Variants in CXCL12 observed in about 807,000 individuals in gnomAD.
The protein encoded by CXCL12 is stromal cell-derived factor 1.
A neutral mutation model predicts 10.7 loss-of-function variants in CXCL12; 4 were observed. The observed-to-expected ratio is 0.37, with a 90% CI of 0.18 to 0.86. The LOEUF (loss-of-function observed/expected upper bound fraction) is 0.86. Among genes scored for constraint, CXCL12 ranks in the 40% least tolerant of loss-of-function variants. CXCL12 has a pLI of 0.43. For missense variants in CXCL12, 122 were observed against 110.4 expected (o/e 1.10, Z -0.47); for synonymous variants, 54 against 45.4 (o/e 1.19, Z -0.77).
intron 1 of CXCL12, among the ~76,000 whole-genome samples, chr10:44,381,431 A>C (rs548616325): frequency 6.6e-6 from 1 of 152,318 alleles, no homozygotes; most frequent in South Asian, 2.1e-4. Context: ...AAGCTCTGGA[A>C]GGCACAAAAG....
At chr10:44,374,563 G>A (rs1438318955), downstream of CXCL12, 1 of 456,056 alleles carries the variant, frequency 2.2e-6, no homozygotes, top group East Asian at 7.0e-5. Context: ...AAAAGAGATA[G>A]CAGCGGGAAA....
At chr10:44,378,745 A>C in intron 2 of CXCL12, 22 bp from the exon 3 acceptor site, 1 of 1,613,312 alleles carries the variant, frequency 6.2e-7, no homozygotes, top group African/African-American at 1.3e-5. Context: ...GAATGGCAAC[A>C]GTGTGCGGCT....
intron 2 of CXCL12, among the ~76,000 whole-genome samples, chr10:44,379,507 G>A (rs541310930): frequency 6.6e-6 from 1 of 152,250 alleles, no homozygotes; most frequent in African/African-American, 2.4e-5. Flanking sequence ...AGGGTCTTGA[G>A]GACAGCTAAG....
downstream of CXCL12, chr10:44,372,844 C>T: frequency 2.6e-6 from 4 of 1,513,446 alleles, no homozygotes; most frequent in Non-Finnish European, 3.5e-6. Context: ...GGTGAGCCTC[C>T]CATGTGGCCC....
At chr10:44,373,126 G>T, downstream of CXCL12, 1 of 1,533,952 alleles carries the variant, frequency 6.5e-7, no homozygotes, top group South Asian at 1.2e-5. Context: ...CAGTGACACT[G>T]AATAATCAAA....
chr10:44,376,944 A>T, downstream of CXCL12: 1 of 189,936 alleles, frequency 5.3e-6, no homozygotes, highest in Non-Finnish European at 9.7e-6. Context: ...CAAAAACTTG[A>T]GCTGCAGATC....
At chr10:44,384,862 G>T in intron 1 of CXCL12, 83 bp downstream of exon 1, 3 of 1,375,616 alleles carry the variant, frequency 2.2e-6, no homozygotes, top group Non-Finnish European at 2.9e-6. Flanking sequence ...AACTGCGGGC[G>T]CAGGCAGAGG....
rs76444314 is a variant in CXCL12, at chr10:44,385,008, CGCGGGCGGGCGGGCGG to C, written c.-19_-4del. ...ACGACCACGACCTTGGCGTTCATGG[CGCGGGCGGGCGGGCGG>C]GCGGGCGGACGAGCGCGGGTCGGGG... On this transcript the variant is annotated 5_prime_UTR_variant, in exon 1 of 3. Transcript: ENST00000343575. The C allele has an allele frequency of 8.5e-5, 35 of 412,336 alleles. No homozygotes were observed. The highest frequency in any genetic ancestry group is 2.0e-4 in the South Asian group (9 of 44,510). 25.5% of individuals were successfully genotyped at this position (412,336 alleles called of 1,614,324 possible).
rs373678961 is a variant in CXCL12 at position 44,378,707 on chromosome 10, T to C, written c.196A>G (p.Asn66Asp). 6.2e-7 allele frequency: 1 copy of C among 1,614,238 alleles called. No homozygotes were observed. The highest frequency in any genetic ancestry group is 1.3e-5 in the African/African-American group (1 of 75,058). ...ALQIVARLKN[N>D]NRQVCIDPKL... ...GGGTCAATGCACACTTGTCTGTTGTTGTTCTTCAGCCGGGCTCTGTGAAAA... is the reference window on the plus strand; with the variant it reads ...GGGTCAATGCACACTTGTCTGTTGTCGTTCTTCAGCCGGGCTCTGTGAAAA... The change falls in exon 3 of 3, where the codon AAC (asparagine) becomes GAC (aspartate). Residue 66 changes from asparagine to aspartate, a missense_variant. Coordinates refer to ENST00000343575, the MANE Select transcript of CXCL12 (RefSeq NM_199168.4).
Position 44,377,853 on chromosome 10 carries a change from G to A in CXCL12, c.*780C>T. The A allele has an allele frequency of 6.3e-7, 1 of 1,589,330 alleles. No individual in the cohort carries two copies. Among genetic ancestry groups the A allele is most frequent in the Middle Eastern group, 1.7e-4 (1 of 5,766 alleles). ...CAGGCCCTGGGAGGAGAGGGATGCA[G>A]GGCACGAGCCCCAGCAATCACCCTC... On this transcript the variant is annotated 3_prime_UTR_variant, in exon 3 of 3. Coordinates refer to ENST00000343575, the MANE Select transcript of CXCL12 (RefSeq NM_199168.4).
In CXCL12 at chr10:44,385,022, CGG is replaced by C; in HGVS notation, c.-19_-18del. ...GGCGTTCATGGCGCGGGCGGGCGGG[CGG>C]GCGGGCGGACGAGCGCGGGTCGGGG... On this transcript the variant is annotated 5_prime_UTR_variant, in exon 1 of 3. Coordinates refer to ENST00000343575, the MANE Select transcript of CXCL12 (RefSeq NM_199168.4). The C allele has an allele frequency of 1.1e-5, 1 of 93,538 alleles. No individual in the cohort carries two copies. The highest frequency in any genetic ancestry group is 1.8e-5 in the Non-Finnish European group (1 of 54,554). 5.8% of individuals were successfully genotyped at this position (93,538 alleles called of 1,614,324 possible).
chr10:44,376,114 C>A (rs1839442822), downstream of CXCL12: 13 of 1,477,934 alleles, frequency 8.8e-6, no homozygotes, highest in Non-Finnish European at 1.1e-5. Flanking sequence ...TAACACTGGC[C>A]CGTGTACTGG....
Position 44,377,425 on chromosome 10 carries a change from A to G in CXCL12, c.*1208T>C, listed in dbSNP as rs1180377077. On this transcript the variant is annotated 3_prime_UTR_variant, in exon 3 of 3. Coordinates refer to ENST00000343575, the MANE Select transcript of CXCL12 (RefSeq NM_199168.4). ...AAAAAATGTGCACAAAAATATATAT[A>G]AAAAAATGCCTTGCAAAAAGTTACA... 18 of 1,113,338 alleles carry G rather than the reference A, an allele frequency of 1.6e-5. No individual in the cohort carries two copies. Among genetic ancestry groups the G allele is most frequent in the Non-Finnish European group, 2.0e-5 (18 of 911,108 alleles). The allele number at this position is 1,113,338 out of a possible 1,614,324, so 69.0% of individuals were successfully genotyped here. A position where few individuals can be genotyped will look rare whatever the true frequency, so the allele number is the denominator to read the frequency against.
At chr10:44,373,362 G>A (rs781010631), downstream of CXCL12, 12 of 1,600,728 alleles carry the variant, frequency 7.5e-6, no homozygotes, top group South Asian at 1.2e-4. Context: ...AAGAACAGAG[G>A]GAAACACCAT....
chr10:44,379,514 T>C (rs1330765101), intron 2 of CXCL12, among the ~76,000 whole-genome samples: 2 of 152,158 alleles, frequency 1.3e-5, no homozygotes, highest in Non-Finnish European at 2.9e-5. Flanking sequence ...TGAGGACAGC[T>C]AAGCCCCAGA....
downstream of CXCL12, chr10:44,372,639 C>G (rs1839342585): frequency 2.2e-6 from 3 of 1,358,976 alleles, no homozygotes; most frequent in African/African-American, 4.4e-5. Context: ...TTTTGCAGGG[C>G]CATGGAGACA....
At chr10:44,376,051 A>G, downstream of CXCL12, 1 of 1,607,790 alleles carries the variant, frequency 6.2e-7, no homozygotes, top group Non-Finnish European at 8.5e-7. Context: ...AAATTAGTAG[A>G]ACCATTAATA....
chr10:44,380,179 C>T (rs1839586928), intron 2 of CXCL12, among the ~76,000 whole-genome samples: 1 of 152,178 alleles, frequency 6.6e-6, no homozygotes, highest in Admixed American at 6.5e-5. Flanking sequence ...ATCTTCCTGT[C>T]TTGTGGATGT....
At chr10:44,375,895 G>A (rs1839435827), downstream of CXCL12, 11 of 1,607,968 alleles carry the variant, frequency 6.8e-6, no homozygotes, top group Non-Finnish European at 6.8e-6. Flanking sequence ...TTTACAAAGC[G>A]CCGAGAGCAA....
Sources: gnomAD v4.1 joint callset for allele counts (sites outside exome capture counted in the v4.1 genomes callset) on GRCh38, gnomAD v4.1.1 for gene constraint, MANE v1.5 for transcripts, NCBI Gene and HGNC (gene_info 2026-07-23, HGNC 2026-07-21) for gene names.